EIF3C: variants seen among roughly 807,000 people sequenced by gnomAD.
EIF3C encodes the protein eukaryotic translation initiation factor 3 subunit C.
In EIF3C, 2 loss-of-function variants were observed where a neutral mutation model predicts 11.1. The ratio of observed to expected loss-of-function variants is 0.18; its 90% CI spans 0.07 to 0.57. The LOEUF is 0.57. Ranked by LOEUF, EIF3C falls within the 20% of genes least tolerant of loss-of-function variation. The probability of loss-of-function intolerance (pLI) is 0.92; values close to 1 mark genes in which losing one functional copy is unlikely to be tolerated. For missense variants in EIF3C, 16 were observed against 114.6 expected, an observed-to-expected ratio of 0.14 and a Z score of 3.93; for synonymous variants, 2 against 41.5, an observed-to-expected ratio of 0.05 and a Z score of 3.66.
Position 28,696,114 on chromosome 16 carries a change from C to G in EIF3C, c.-31+7286C>G, listed in dbSNP as rs2048237151. ...GGTGGGGTGGCTCAGGCCTGTAATC[C>G]TAGCATTTTGGGAGGCCGAGGCGGG... On this transcript the variant is annotated intron_variant, in intron 1 of 20. Transcript: ENST00000566501. Among the ~76,000 whole-genome samples, 2 of 52,032 alleles carry G rather than the reference C, an allele frequency of 3.8e-5. 1 individual carries two copies. Among genetic ancestry groups the G allele is most frequent in the Non-Finnish European group, 6.9e-5 (2 of 28,888 alleles). The allele number at this position is 52,032 out of a possible 152,430, so 34.1% of individuals were successfully genotyped here.
rs1362163557 is a variant in EIF3C at position 28,699,477 on chromosome 16, G to A, written c.-31+10649G>A. ...GGGAGAGGGAGACGGAGACGGAGAC[G>A]GAGACGGAGAGGGAGAGGGAGAGGG... On this transcript the variant is annotated intron_variant, in intron 1 of 20. Transcript: ENST00000566501. 1.2e-4 allele frequency among the ~76,000 whole-genome samples: 11 copies of A among 94,442 alleles called. 2 individuals carry two copies. Among genetic ancestry groups the A allele is most frequent in the Admixed American group, 4.2e-4 (4 of 9,522 alleles). The allele number at this position is 94,442 out of a possible 152,430, so 62.0% of individuals were successfully genotyped here. A position where few individuals can be genotyped will look rare whatever the true frequency, so the allele number is the denominator to read the frequency against.
At chr16:28,694,366 G>GAA (rs79380046) in intron 1 of EIF3C, among the ~76,000 whole-genome samples, 2 of 143,628 alleles carry the variant, frequency 1.4e-5, no homozygotes, top group African/African-American at 2.6e-5. Context: ...ATCTCAAAAA[G>GAA]AAAAAAAGAA....
chr16:28,729,071 A>ATT (rs531873039), intron 15 of EIF3C, among the ~76,000 whole-genome samples: 7 of 40,714 alleles, frequency 1.7e-4, no homozygotes, highest in African/African-American at 4.5e-4. Flanking sequence ...CTGTGTCAGA[A>ATT]TTTTTTTTTT....
chr16:28,703,766 TCTAAG>T (rs1328756621), intron 1 of EIF3C, among the ~76,000 whole-genome samples: 438 of 55,048 alleles, frequency 8.0e-3, no homozygotes, highest in African/African-American at 0.037. Context: ...ACGCCTGTAA[TCTAAG>T]CTAATTGGGA....
At chr16:28,712,644 GT>G (rs1214219991) in intron 2 of EIF3C, among the ~76,000 whole-genome samples, 1 of 133,934 alleles carries the variant, frequency 7.5e-6, no homozygotes, top group African/African-American at 2.8e-5. Flanking sequence ...TATTGCACAT[GT>G]ATATGCCAAT....
At chr16:28,698,461 A>C (rs1344834462) in intron 1 of EIF3C, among the ~76,000 whole-genome samples, 4 of 46,332 alleles carry the variant, frequency 8.6e-5, no homozygotes, top group Admixed American at 2.0e-4. Context: ...CCCGGATGGC[A>C]CGGCTGGCCA....
intron 1 of EIF3C, among the ~76,000 whole-genome samples, chr16:28,697,754 C>T (rs1176253889): frequency 1.1e-5 from 1 of 93,546 alleles, no homozygotes; most frequent in Non-Finnish European, 1.9e-5. Flanking sequence ...CCTCACTTCC[C>T]AGTAGGGGTG....
chr16:28,697,913 A>T (rs1482073084), intron 1 of EIF3C, among the ~76,000 whole-genome samples: 3 of 86,452 alleles, frequency 3.5e-5, no homozygotes, highest in Non-Finnish European at 6.7e-5. Flanking sequence ...CTGGCCGGGC[A>T]GAGGGGCTCC....
rs1596702405 is a variant in EIF3C at position 28,696,541 on chromosome 16, T to A, written c.-31+7713T>A. ...CAGAAGAAATCAACATGACCCCTAG[T>A]GTGGTGCAATGATGTATTAAAGACT... On this transcript the variant is annotated intron_variant, in intron 1 of 20. Transcript: ENST00000566501. 4.8e-5 allele frequency among the ~76,000 whole-genome samples: 2 copies of A among 41,404 alleles called. 1 individual carries two copies. Among genetic ancestry groups the A allele is most frequent in the East Asian group, 9.8e-4 (2 of 2,032 alleles). 27.2% of individuals were successfully genotyped at this position (41,404 alleles called of 152,430 possible). A position where few individuals can be genotyped will look rare whatever the true frequency, so the allele number is the denominator to read the frequency against.
intron 1 of EIF3C, among the ~76,000 whole-genome samples, chr16:28,698,130 ACC>A (rs1435828739): frequency 5.4e-5 from 2 of 37,218 alleles, no homozygotes; most frequent in African/African-American, 1.3e-4. Context: ...GGGGGGGCTG[ACC>A]CCCCCCACCT....
In EIF3C at chr16:28,691,107, G is replaced by A. The variant is rs1439854308; in HGVS notation, c.-31+2279G>A. 9.0e-4 allele frequency among the ~76,000 whole-genome samples: 11 copies of A among 12,156 alleles called. 1 individual carries two copies. Among genetic ancestry groups the A allele is most frequent in the Non-Finnish European group, 1.3e-3 (11 of 8,498 alleles). The allele number at this position is 12,156 out of a possible 152,430, so 8.0% of individuals were successfully genotyped here. On this transcript the variant is annotated intron_variant, in intron 1 of 20. Transcript: ENST00000566501. ...GGAGAATGGCGTGAACCCAGGAGACGGAGCTTGCAGTGAGCCGAGATAGTG... is the reference window on the plus strand; with the variant it reads ...GGAGAATGGCGTGAACCCAGGAGACAGAGCTTGCAGTGAGCCGAGATAGTG...
chr16:28,709,923 CAA>C (rs1310810646), upstream of EIF3C, among the ~76,000 whole-genome samples: 1 of 13,058 alleles, frequency 7.7e-5, no homozygotes, highest in African/African-American at 4.2e-4. Context: ...AACTCCATCT[CAA>C]AAAAAAAAAA....
rs748244611 is a variant in EIF3C at position 28,700,399 on chromosome 16, C to A, written c.-30-11258C>A. 3 of 383,916 alleles carry A rather than the reference C, an allele frequency of 7.8e-6. 1 individual carries two copies. Among genetic ancestry groups the A allele is most frequent in the South Asian group, 3.3e-5 (1 of 30,426 alleles). The allele number at this position is 383,916 out of a possible 1,614,324, so 23.8% of individuals were successfully genotyped here. ...CTCGCTGACCTCAGAGTTGGGGACCCGGAGGCCGGCGTCGATACACTGCTG... is the reference window on the plus strand; with the variant it reads ...CTCGCTGACCTCAGAGTTGGGGACCAGGAGGCCGGCGTCGATACACTGCTG... On this transcript the variant is annotated intron_variant, in intron 1 of 20. Coordinates refer to the EIF3C transcript ENST00000566501.
At chr16:28,689,967 A>G (rs1443013460) in intron 1 of EIF3C, among the ~76,000 whole-genome samples, 1 of 14,204 alleles carries the variant, frequency 7.0e-5, no homozygotes. Flanking sequence ...AAAAAAAAAA[A>G]AAAAAAGTTC....
At position 28,729,746 on chromosome 16, in the gene EIF3C, A is replaced by G. The variant is rs1191684895; in HGVS notation, c.1819-2083A>G. On this transcript the variant is annotated intron_variant, in intron 15 of 20. Transcript: ENST00000331666. ...TTACCTTTTTGTCTGTCCTTATGCA[A>G]GTCCCATACTATCTTCATTGCTGTG... is the stretch of plus-strand genomic sequence containing the variant. Among the ~76,000 whole-genome samples the G allele has an allele frequency of 1.4e-5, 2 of 139,004 alleles. 1 individual carries two copies. The highest frequency in any genetic ancestry group is 3.1e-5 in the Non-Finnish European group (2 of 63,922). The allele number at this position is 139,004 out of a possible 152,430, so 91.2% of individuals were successfully genotyped here. A position where few individuals can be genotyped will look rare whatever the true frequency, so the allele number is the denominator to read the frequency against.
intron 1 of EIF3C, among the ~76,000 whole-genome samples, chr16:28,698,648 C>T (rs1328013069): frequency 4.9e-5 from 4 of 82,114 alleles, no homozygotes; most frequent in Middle Eastern, 6.7e-3. Flanking sequence ...GGGTGGCTGC[C>T]GGGCGGAGAG....
At chr16:28,701,263 C>A (rs2048279909) in intron 1 of EIF3C, 1 of 344,358 alleles carries the variant, frequency 2.9e-6, no homozygotes, top group Non-Finnish European at 5.3e-6. Context: ...GGCATCTCCT[C>A]CAGCTTTTGC....
intron 15 of EIF3C, among the ~76,000 whole-genome samples, chr16:28,728,483 G>A (rs981860930): frequency 2.5e-5 from 2 of 78,586 alleles, no homozygotes; most frequent in African/African-American, 8.0e-5. Context: ...GGTTGTGTGT[G>A]TATCTTTTAG....
chr16:28,723,426 G>A (rs1171214517), intron 9 of EIF3C, 22 bp from the exon 10 acceptor site: 3 of 1,612,112 alleles, frequency 1.9e-6, no homozygotes, highest in Non-Finnish European at 2.5e-6. Flanking sequence ...GCATGTACAT[G>A]ACGGGATATG....
Sources: allele counts gnomAD v4.1 joint callset (sites outside exome capture counted in the v4.1 genomes callset), GRCh38; gene constraint gnomAD v4.1.1; transcripts MANE v1.5; gene names NCBI Gene and HGNC (gene_info 2026-07-23, HGNC 2026-07-21).